The following TAFA4 variants were observed in gnomAD, a reference collection of about 807,000 sequenced individuals.
TAFA4 encodes the protein TAFA chemokine like family member 4.
TAFA4 carries 20 observed loss-of-function variants against 21.1 expected under a neutral mutation model. The observed-to-expected ratio is 0.95, with a 90% confidence interval of 0.67 to 1.38. The LOEUF (loss-of-function observed/expected upper bound fraction) is 1.38, where lower values mean the gene tolerates loss of function less well. TAFA4 is among the 40% of genes most tolerant of loss of function. The pLI, the probability that TAFA4 is intolerant of heterozygous loss-of-function variation, is 0.00. For missense variants in TAFA4, 211 were observed against 180.9 expected, an observed-to-expected ratio of 1.17 and a Z score of -0.95; for synonymous variants, 71 against 67.4, an observed-to-expected ratio of 1.05 and a Z score of -0.26.
At chr3:68,832,111 C>T (rs565974150) in intron 3 of TAFA4, among the ~76,000 whole-genome samples, 2 of 152,280 alleles carry the variant, frequency 1.3e-5, no homozygotes, top group East Asian at 3.9e-4. Flanking sequence ...AGCTTCCTTG[C>T]AATGGGTTAG....
intron 3 of TAFA4, among the ~76,000 whole-genome samples, chr3:68,823,559 G>T (rs1432598378): frequency 6.6e-6 from 1 of 152,040 alleles, no homozygotes; most frequent in Non-Finnish European, 1.5e-5. Context: ...TAGGTATTAA[G>T]CCCAGTATAC....
chr3:68,752,568 G>C (rs909015722), intron 4 of TAFA4, among the ~76,000 whole-genome samples: 4 of 152,180 alleles, frequency 2.6e-5, no homozygotes, highest in African/African-American at 9.7e-5. Flanking sequence ...GGCATCAGAG[G>C]AAACAATTGC....
At chr3:68,787,329 T>C (rs1309515980) in intron 3 of TAFA4, among the ~76,000 whole-genome samples, 1 of 152,138 alleles carries the variant, frequency 6.6e-6, no homozygotes, top group Non-Finnish European at 1.5e-5. Flanking sequence ...TGTTCATCCA[T>C]TAGGCTGAGA....
rs2089659523 is a variant in TAFA4, at chr3:68,885,285, C to CA, written c.-98dup. On this transcript the variant is annotated 5_prime_UTR_variant, in exon 2 of 6. Coordinates refer to ENST00000295569, the MANE Select transcript of TAFA4 (RefSeq NM_182522.5). ...CTAGAACCAATCATTTCTGCCGTTC[C>CA]AAAAAATTATCGTAGCTCAGAAGAC... 2 of 1,109,590 alleles carry CA rather than the reference C, an allele frequency of 1.8e-6. No homozygotes were observed. Among genetic ancestry groups the CA allele is most frequent in the African/African-American group, 1.6e-5 (1 of 61,652 alleles). The allele number at this position is 1,109,590 out of a possible 1,614,324, so 68.7% of individuals were successfully genotyped here.
intron 3 of TAFA4, among the ~76,000 whole-genome samples, chr3:68,843,003 G>T (rs1291666089): frequency 6.6e-6 from 1 of 152,172 alleles, no homozygotes; most frequent in Non-Finnish European, 1.5e-5. Flanking sequence ...ACTTAGGATT[G>T]TCTTGGCTAT....
rs183985668 is a variant in TAFA4, at chr3:68,820,757, T to C, written c.130+59973A>G. On this transcript the variant is annotated intron_variant, in intron 3 of 5. Coordinates refer to ENST00000295569, the MANE Select transcript of TAFA4 (RefSeq NM_182522.5). Reference sequence around the variant, plus strand: ...TATGTGAGGGAATACCTATGTTACATAGCTTGATTTAGCCTCTCCACAATG... The same window carrying C: ...TATGTGAGGGAATACCTATGTTACACAGCTTGATTTAGCCTCTCCACAATG... 4.6e-4 allele frequency among the ~76,000 whole-genome samples: 70 copies of C among 152,310 alleles called. 1 individual carries two copies. The South Asian group carries it at 6.8e-3, about 15-fold the overall frequency.
At chr3:68,811,199 T>C (rs1418077287) in intron 3 of TAFA4, among the ~76,000 whole-genome samples, 2 of 151,778 alleles carry the variant, frequency 1.3e-5, no homozygotes, top group Non-Finnish European at 2.9e-5. Context: ...GACCAAAGGG[T>C]AGATAATACC....
chr3:68,816,978 T>C (rs6549147), intron 3 of TAFA4, among the ~76,000 whole-genome samples: 100,961 of 151,988 alleles, frequency 0.66, 34,012 homozygotes, highest in East Asian at 0.98. Flanking sequence ...GTTGTGGTTG[T>C]CAAAGGCTGG....
chr3:68,862,855 T>TCACACACACACA lies in TAFA4; in HGVS notation c.130+17863_130+17874dup, dbSNP rs145463746. On this transcript the variant is annotated intron_variant, in intron 3 of 5. Transcript: ENST00000295569. ...TCAGCCTCCAAGCTTAAAAGAATTT[T>TCACACACACACA]CACACACACACACACACACACACAC... Among the ~76,000 whole-genome samples, 164 of 148,584 alleles carry TCACACACACACA rather than the reference T, an allele frequency of 1.1e-3. 1 individual carries two copies. Among genetic ancestry groups the TCACACACACACA allele is most frequent in the African/African-American group, 3.5e-3 (141 of 40,332 alleles).
intron 3 of TAFA4, among the ~76,000 whole-genome samples, chr3:68,836,401 TCAAA>T (rs904744095): frequency 6.6e-6 from 1 of 152,234 alleles, no homozygotes; most frequent in African/African-American, 2.4e-5. Flanking sequence ...ATGGTACTTA[TCAAA>T]CAGTTAAGTG....
chr3:68,782,864 G>A (rs1045375596), intron 3 of TAFA4, among the ~76,000 whole-genome samples: 3 of 152,168 alleles, frequency 2.0e-5, no homozygotes, highest in African/African-American at 7.2e-5. Context: ...AAGTACCACT[G>A]AATTGAACAC....
intron 3 of TAFA4, among the ~76,000 whole-genome samples, chr3:68,771,738 C>A (rs1702961656): frequency 6.6e-6 from 1 of 150,896 alleles, no homozygotes; most frequent in Non-Finnish European, 1.5e-5. Flanking sequence ...GACCACTAAC[C>A]ACACAACGCC....
intron 3 of TAFA4, among the ~76,000 whole-genome samples, chr3:68,848,807 T>C (rs533285593): frequency 2.6e-5 from 4 of 152,286 alleles, no homozygotes; most frequent in South Asian, 4.1e-4. Context: ...ATGACCATCT[T>C]GGAGTGGGAA....
At chr3:68,852,426 C>T (rs1704971767) in intron 3 of TAFA4, among the ~76,000 whole-genome samples, 1 of 152,160 alleles carries the variant, frequency 6.6e-6, no homozygotes, top group African/African-American at 2.4e-5. Flanking sequence ...CTGCCAGCAA[C>T]TAGGTATAAA....
At chr3:68,860,830 C>T (rs1374320024) in intron 3 of TAFA4, among the ~76,000 whole-genome samples, 1 of 152,102 alleles carries the variant, frequency 6.6e-6, no homozygotes, top group Non-Finnish European at 1.5e-5. Flanking sequence ...ACACGTAGGT[C>T]CCTAACCCAA....
chr3:68,896,106 G>T (rs1005090605), intron 1 of TAFA4, among the ~76,000 whole-genome samples: 1 of 152,140 alleles, frequency 6.6e-6, no homozygotes, highest in Non-Finnish European at 1.5e-5. Flanking sequence ...GAGGCCAGAG[G>T]GGAGTAAGCA....
At chr3:68,918,248 G>A (rs2090024429) in intron 1 of TAFA4, among the ~76,000 whole-genome samples, 2 of 152,116 alleles carry the variant, frequency 1.3e-5, no homozygotes. Flanking sequence ...ATGAGAGATG[G>A]TCAGTGTGGT....
At chr3:68,760,505 T>C (rs1237545429) in intron 3 of TAFA4, among the ~76,000 whole-genome samples, 1 of 152,166 alleles carries the variant, frequency 6.6e-6, no homozygotes, top group African/African-American at 2.4e-5. Context: ...AAATCCTTTT[T>C]CCCCTTCCTC....
chr3:68,743,533 G>A (rs565400679), intron 4 of TAFA4, among the ~76,000 whole-genome samples: 78 of 147,386 alleles, frequency 5.3e-4, no homozygotes, highest in Middle Eastern at 3.5e-3. Context: ...CCGAGATCGC[G>A]CCACTGCATT....
Sources: gnomAD v4.1 joint callset for allele counts (sites outside exome capture counted in the v4.1 genomes callset) on GRCh38, gnomAD v4.1.1 for gene constraint, MANE v1.5 for transcripts, NCBI Gene and HGNC (gene_info 2026-07-23, HGNC 2026-07-21) for gene names.